The following TENM3 variants were observed in gnomAD, a reference collection of about 807,000 sequenced individuals.
The protein encoded by TENM3 is teneurin transmembrane protein 3, also known as teneurin-3.
In TENM3, 63 loss-of-function variants were observed where a neutral mutation model predicts 255.1. The observed-to-expected ratio is 0.25, with a 90% CI of 0.20 to 0.30. TENM3 has a LOEUF of 0.30. Ranked by LOEUF, TENM3 falls within the 10% of genes least tolerant of loss-of-function variation. The pLI, the probability that TENM3 is intolerant of heterozygous loss-of-function variation, is 1.00. For missense variants in TENM3, 2,929 were observed against 3,461.1 expected (o/e 0.85, Z 3.86); for synonymous variants, 1,306 against 1,322.3 (o/e 0.99, Z 0.27).
intron 3 of TENM3, among the ~76,000 whole-genome samples, chr4:182,359,682 A>G (rs1317745746): frequency 6.8e-6 from 1 of 147,354 alleles, no homozygotes; most frequent in Non-Finnish European, 1.5e-5. Context: ...TCCTGGATTC[A>G]TTAATTTTTT....
the TENM3 span, among the ~76,000 whole-genome samples, chr4:181,660,928 A>G: frequency 1.8e-4 from 28 of 152,284 alleles, no homozygotes; most frequent in African/African-American, 6.7e-4. Context: ...CTTTGTGTTA[A>G]AACATCAACA....
chr4:182,289,694 A>G (rs550179469), intron 1 of TENM3, among the ~76,000 whole-genome samples: 1 of 152,292 alleles, frequency 6.6e-6, no homozygotes, highest in East Asian at 1.9e-4. Context: ...ATAAACATTA[A>G]TTGAGAATCT....
the TENM3 span, among the ~76,000 whole-genome samples, chr4:181,636,193 G>A: frequency 1.4e-4 from 22 of 152,060 alleles, no homozygotes; most frequent in Middle Eastern, 3.4e-3. Context: ...CTACAGGTGC[G>A]TGCCACCACA....
the TENM3 span, among the ~76,000 whole-genome samples, chr4:181,760,187 C>A: frequency 6.6e-6 from 1 of 151,682 alleles, no homozygotes; most frequent in Non-Finnish European, 1.5e-5. Context: ...GGAAAGATTT[C>A]CCCCTCTTCC....
At chr4:181,936,687 G>A in the TENM3 span, among the ~76,000 whole-genome samples, 40 of 152,142 alleles carry the variant, frequency 2.6e-4, no homozygotes, top group Middle Eastern at 3.4e-3. Flanking sequence ...TGAGCGTTAT[G>A]GCTGAGATTG....
chr4:182,796,540 A>T (rs1766506356), intron 26 of TENM3, 97 bp from the exon 27 acceptor site: 1 of 1,164,040 alleles, frequency 8.6e-7, no homozygotes, highest in East Asian at 2.7e-5. Context: ...CAGATTATTA[A>T]TTGTGAAATT....
chr4:182,190,261 C>G (rs1273581262), intron 1 of TENM3: 3 of 152,172 alleles, frequency 2.0e-5, no homozygotes, highest in Non-Finnish European at 4.4e-5. Context: ...TTAATTGGCT[C>G]TGACGGTACC....
chr4:181,594,725 A>C, the TENM3 span, among the ~76,000 whole-genome samples: 1 of 152,274 alleles, frequency 6.6e-6, no homozygotes, highest in East Asian at 1.9e-4. Context: ...ACCCAGGTTC[A>C]CTGTACAACT....
intron 3 of TENM3, among the ~76,000 whole-genome samples, chr4:182,390,515 C>A (rs181966839): frequency 6.6e-6 from 1 of 152,130 alleles, no homozygotes; most frequent in African/African-American, 2.4e-5. Context: ...GTACCAGTTT[C>A]GAGTTTGCTA....
the TENM3 span, among the ~76,000 whole-genome samples, chr4:182,108,648 C>T: frequency 6.6e-6 from 1 of 152,076 alleles, no homozygotes; most frequent in Non-Finnish European, 1.5e-5. Flanking sequence ...ATCGTGGAAG[C>T]AAATGATTCC....
At chr4:181,955,862 A>G in the TENM3 span, among the ~76,000 whole-genome samples, 2 of 152,188 alleles carry the variant, frequency 1.3e-5, no homozygotes, top group African/African-American at 4.8e-5. Context: ...CAGATCAGTT[A>G]GGAGGTTATT....
At chr4:182,537,138 C>G (rs1740411666) in intron 3 of TENM3, among the ~76,000 whole-genome samples, 1 of 152,184 alleles carries the variant, frequency 6.6e-6, no homozygotes, top group East Asian at 1.9e-4. Context: ...TGCCATTTCT[C>G]TGCTCTAGAA....
At chr4:181,500,204 T>C in the TENM3 span, among the ~76,000 whole-genome samples, 1 of 151,886 alleles carries the variant, frequency 6.6e-6, no homozygotes, top group Non-Finnish European at 1.5e-5. Flanking sequence ...AATTTTTGTA[T>C]TTTTAGTAGA....
At chr4:182,097,681 C>T in the TENM3 span, among the ~76,000 whole-genome samples, 7 of 151,670 alleles carry the variant, frequency 4.6e-5, no homozygotes, top group Admixed American at 1.3e-4. Flanking sequence ...CCGTGTGGTC[C>T]GGAAAAGGCC....
the TENM3 span, among the ~76,000 whole-genome samples, chr4:181,721,620 A>C: frequency 1.3e-5 from 2 of 148,658 alleles, no homozygotes; most frequent in East Asian, 3.9e-4. Flanking sequence ...AAAAAAAAAA[A>C]AAAAAGAAGT....
At chr4:182,769,271 A>G (rs17074050) in intron 22 of TENM3, among the ~76,000 whole-genome samples, 4,468 of 152,242 alleles carry the variant, frequency 0.029, 179 homozygotes, top group South Asian at 0.1. Context: ...CCTGATGTTT[A>G]TGGAAGTACC....
chr4:181,803,867 C>A, the TENM3 span, among the ~76,000 whole-genome samples: 5 of 147,220 alleles, frequency 3.4e-5, no homozygotes, highest in African/African-American at 1.0e-4. Context: ...GCCAGGAGGT[C>A]AGCGCTGCAG....
the TENM3 span, among the ~76,000 whole-genome samples, chr4:181,998,986 T>C: frequency 2.6e-5 from 4 of 152,276 alleles, no homozygotes; most frequent in South Asian, 4.1e-4. Context: ...CCTGGAACAA[T>C]TGGAAATACT....
the TENM3 span, among the ~76,000 whole-genome samples, chr4:181,872,319 T>C: frequency 6.7e-6 from 1 of 148,366 alleles, no homozygotes; most frequent in African/African-American, 2.5e-5. Context: ...GGGTTTTACT[T>C]TTTTTAAACT....
Sources: allele counts gnomAD v4.1 joint callset (sites outside exome capture counted in the v4.1 genomes callset), GRCh38; gene constraint gnomAD v4.1.1; transcripts MANE v1.5; gene names NCBI Gene and HGNC (gene_info 2026-07-23, HGNC 2026-07-21).